Variants in DCK observed in about 807,000 individuals in gnomAD.
DCK encodes the protein deoxycytidine kinase, also known as deoxyadenosine kinase.
In DCK, 23 loss-of-function variants were observed where a neutral mutation model predicts 38.3. That is an observed-to-expected ratio of 0.60 (90% CI 0.43 to 0.85). The LOEUF (loss-of-function observed/expected upper bound fraction) is 0.85. Among genes scored for constraint, DCK ranks in the 40% least tolerant of loss-of-function variants. DCK has a pLI of 0.00. For synonymous variants in DCK, 108 were observed against 100.6 expected (o/e 1.07, Z -0.44); for missense variants, 259 against 304.4 (o/e 0.85, Z 1.11).
chr4:71,017,934 A>T (rs1018565840), intron 2 of DCK, among the ~76,000 whole-genome samples: 1 of 152,156 alleles, frequency 6.6e-6, no homozygotes, highest in Non-Finnish European at 1.5e-5. Context: ...ATAAAAAAAA[A>T]ATTTATATAT....
chr4:71,012,805 A>G (rs1195809748), intron 2 of DCK, among the ~76,000 whole-genome samples: 1 of 152,232 alleles, frequency 6.6e-6, no homozygotes, highest in Admixed American at 6.5e-5. Flanking sequence ...ATAAAACCAC[A>G]AAGATAGGGA....
chr4:71,027,553 T>C (rs1740573223), intron 6 of DCK, among the ~76,000 whole-genome samples: 1 of 152,182 alleles, frequency 6.6e-6, no homozygotes, highest in South Asian at 2.1e-4. Flanking sequence ...AAGCACAATT[T>C]GGTTTAGTTT....
chr4:71,001,255 TG>T (rs1739794483), intron 2 of DCK, among the ~76,000 whole-genome samples: 1 of 152,244 alleles, frequency 6.6e-6, no homozygotes, highest in Non-Finnish European at 1.5e-5. Flanking sequence ...ATGCGGTTTT[TG>T]TCATTGGTTC....
At chr4:71,012,957 A>G (rs569203301) in intron 2 of DCK, among the ~76,000 whole-genome samples, 1 of 152,262 alleles carries the variant, frequency 6.6e-6, no homozygotes, top group African/African-American at 2.4e-5. Context: ...CAGATAATCA[A>G]ACTTCTCCGA....
intron 1 of DCK, among the ~76,000 whole-genome samples, chr4:70,996,288 T>TC (rs1335359725): frequency 8.6e-5 from 13 of 151,948 alleles, no homozygotes; most frequent in African/African-American, 3.1e-4. Context: ...CTTTGAGACC[T>TC]ATAGTTTGAG....
At chr4:71,009,881 C>T (rs1740040816) in intron 2 of DCK, among the ~76,000 whole-genome samples, 1 of 152,164 alleles carries the variant, frequency 6.6e-6, no homozygotes, top group African/African-American at 2.4e-5. Context: ...GATTTTATTT[C>T]TTCATCCAGT....
chr4:71,003,213 T>A (rs576117065), intron 2 of DCK, among the ~76,000 whole-genome samples: 1 of 152,214 alleles, frequency 6.6e-6, no homozygotes, highest in Non-Finnish European at 1.5e-5. Context: ...CCTTCACTTA[T>A]GAAGCTTAGT....
intron 6 of DCK, among the ~76,000 whole-genome samples, chr4:71,028,312 A>G (rs1210640687): frequency 1.3e-5 from 2 of 152,216 alleles, no homozygotes; most frequent in Non-Finnish European, 2.9e-5. Flanking sequence ...TCTTAGATTG[A>G]TAGATGCAGT....
chr4:70,994,043 G>T, intron 1 of DCK, 117 bp downstream of exon 1: 1 of 781,322 alleles, frequency 1.3e-6, no homozygotes, highest in Non-Finnish European at 2.2e-6. Context: ...CCAGCCTGGC[G>T]GTGTGGACGC....
At chr4:71,017,381 A>G (rs1740298675) in intron 2 of DCK, among the ~76,000 whole-genome samples, 1 of 152,206 alleles carries the variant, frequency 6.6e-6, no homozygotes, top group Non-Finnish European at 1.5e-5. Context: ...TGATTCCTCA[A>G]GGATCTAGAA....
At chr4:71,004,204 C>G (rs908212782) in intron 2 of DCK, among the ~76,000 whole-genome samples, 2 of 152,168 alleles carry the variant, frequency 1.3e-5, no homozygotes, top group Non-Finnish European at 2.9e-5. Context: ...TTCCTTCTAA[C>G]AGTCAGGCCC....
intron 4 of DCK, among the ~76,000 whole-genome samples, chr4:71,025,325 A>G (rs1740521694): frequency 6.6e-6 from 1 of 152,090 alleles, no homozygotes. Context: ...TTATTTGATA[A>G]TGCAGATATA....
At chr4:71,025,580 G>A (rs1195482428) in intron 4 of DCK, among the ~76,000 whole-genome samples, 1 of 152,076 alleles carries the variant, frequency 6.6e-6, no homozygotes. Context: ...TATTTCATGT[G>A]TGGATGGATA....
chr4:71,012,440 T>G, intron 2 of DCK, among the ~76,000 whole-genome samples: 1 of 152,252 alleles, frequency 6.6e-6, no homozygotes. Context: ...GCACGGAGTT[T>G]GAGATCTGAG....
chr4:71,026,449 A>G (rs1396235633), intron 5 of DCK, among the ~76,000 whole-genome samples: 2 of 152,074 alleles, frequency 1.3e-5, no homozygotes, highest in Non-Finnish European at 2.9e-5. Context: ...ATGTTACAGT[A>G]CCCAGCTGTA....
At chr4:71,000,260 A>G (rs1318370747) in intron 2 of DCK, among the ~76,000 whole-genome samples, 1 of 152,108 alleles carries the variant, frequency 6.6e-6, no homozygotes, top group Non-Finnish European at 1.5e-5. Flanking sequence ...TTTTCCCAGC[A>G]CCATTTATTA....
chr4:70,994,690 A>G (rs1739620934), intron 1 of DCK, among the ~76,000 whole-genome samples: 1 of 152,182 alleles, frequency 6.6e-6, no homozygotes. Context: ...TTTTAGCTAT[A>G]TTATTAACGA....
Position 71,022,542 on chromosome 4 carries a change from G to A in DCK, c.383G>A (p.Arg128Gln). 4 of 1,588,814 alleles carry A rather than the reference G, an allele frequency of 2.5e-6. No individual in the cohort carries two copies. Among genetic ancestry groups the A allele is most frequent in the South Asian group, 1.2e-5 (1 of 86,502 alleles). Reference sequence around the variant, plus strand: ...GAGAAACCTGTATTATTTTTTGAACGATCTGTGTATAGTGACAGGTATGTA... The same window carrying A: ...GAGAAACCTGTATTATTTTTTGAACAATCTGTGTATAGTGACAGGTATGTA... ...DAEKPVLFFE[R>Q]SVYSDRYIFA... is the part of the protein sequence containing the mutation. The change falls in exon 3 of 7, where the codon CGA becomes CAA. Residue 128 changes from arginine (R) to glutamine (Q), a missense_variant. This residue lies in a region of DCK where 159 missense variants were observed against 159.0 expected (regional missense o/e 1.00). Transcript: ENST00000286648.
Position 70,998,154 on chromosome 4 carries a change from A to G in DCK, c.179A>G (p.Asn60Ser), listed in dbSNP as rs547107957. Reference sequence around the variant, plus strand: ...CCTGAACCTGTTGCCAGATGGTGCAATGTTCAAAGTACTCAAGATGAATTT... The same window carrying G: ...CCTGAACCTGTTGCCAGATGGTGCAGTGTTCAAAGTACTCAAGATGAATTT... ...VVPEPVARWC[N>S]VQSTQDEFEE... is the part of the protein sequence containing the mutation. Residue 60 changes from asparagine to serine, a missense_variant, in exon 2 of 7, where the codon AAT becomes AGT. Physicochemically the swap from Asn to Ser is conservative, Grantham distance 46. This residue lies in a region of DCK where 159 missense variants were observed against 159.0 expected (regional missense o/e 1.00). Transcript: ENST00000286648. 1.3e-5 allele frequency: 20 copies of G among 1,596,586 alleles called. 1 individual carries two copies. Among genetic ancestry groups the G allele is most frequent in the Middle Eastern group, 1.7e-4 (1 of 6,022 alleles).
Sources: allele counts gnomAD v4.1 joint callset (sites outside exome capture counted in the v4.1 genomes callset), GRCh38; gene constraint gnomAD v4.1.1; regional missense constraint gnomAD v4.1.1; transcripts MANE v1.5; gene names NCBI Gene and HGNC (gene_info 2026-07-23, HGNC 2026-07-21).